Variants in PDE8B observed in about 807,000 individuals in gnomAD.
PDE8B encodes phosphodiesterase 8B.
PDE8B carries 26 observed loss-of-function variants against 101.3 expected under a neutral mutation model. The ratio of observed to expected loss-of-function variants is 0.26; its 90% CI spans 0.19 to 0.36. The LOEUF is 0.36. PDE8B is among the 10% of genes least tolerant of loss of function. The pLI is 1.00. For missense variants in PDE8B, 810 were observed against 1,163.1 expected (o/e 0.70, Z 4.42); for synonymous variants, 424 against 429.3 (o/e 0.99, Z 0.15).
At chr5:77,194,506 A>C in the PDE8B span, among the ~76,000 whole-genome samples, 1 of 152,182 alleles carries the variant, frequency 6.6e-6, no homozygotes, top group Non-Finnish European at 1.5e-5. Flanking sequence ...GTATGTGCAC[A>C]ATGTTGTGCA....
At chr5:77,343,517 G>A (rs1779587526) in intron 6 of PDE8B, among the ~76,000 whole-genome samples, 1 of 152,186 alleles carries the variant, frequency 6.6e-6, no homozygotes, top group Non-Finnish European at 1.5e-5. Context: ...TTAAAATGGT[G>A]CACTTGTATA....
At chr5:77,366,001 A>G (rs1280928127) in intron 10 of PDE8B, among the ~76,000 whole-genome samples, 1 of 152,128 alleles carries the variant, frequency 6.6e-6, no homozygotes, top group East Asian at 1.9e-4. Context: ...CAAATACAAC[A>G]AAAATTCATT....
intron 1 of PDE8B, chr5:77,291,387 A>G: frequency 6.2e-7 from 1 of 1,611,866 alleles, no homozygotes; most frequent in Non-Finnish European, 8.5e-7. Flanking sequence ...GGGCAAGGTT[A>G]TGGATCGCCC....
At chr5:77,186,788 A>G in the PDE8B span, among the ~76,000 whole-genome samples, 4 of 152,146 alleles carry the variant, frequency 2.6e-5, no homozygotes, top group Non-Finnish European at 5.9e-5. Context: ...TTTGGCAACT[A>G]TGTGCACCAT....
Position 77,320,264 on chromosome 5 carries a change from G to T in PDE8B, c.400-5275G>T, listed in dbSNP as rs1001644888. ...CCCACTACGTAAGTTTTCAACCCTC[G>T]TGCATGGTCATTATTACAGTCTGAT... On this transcript the variant is annotated intron_variant, in intron 2 of 21. Transcript: ENST00000264917. Among the ~76,000 whole-genome samples the T allele has an allele frequency of 8.5e-5, 13 of 152,218 alleles. No individual in the cohort carries two copies. In the South Asian group the frequency reaches 1.5e-3, roughly 17 times the overall value.
the PDE8B span, among the ~76,000 whole-genome samples, chr5:77,121,098 A>G: frequency 6.6e-6 from 1 of 152,214 alleles, no homozygotes; most frequent in Admixed American, 6.5e-5. Context: ...CAACAAACGA[A>G]CAGCTATTCT....
the PDE8B span, among the ~76,000 whole-genome samples, chr5:77,186,878 G>A: frequency 1.3e-5 from 2 of 152,146 alleles, no homozygotes; most frequent in Non-Finnish European, 2.9e-5. Flanking sequence ...TACTATGCAA[G>A]CTGTGTTTCC....
the PDE8B span, among the ~76,000 whole-genome samples, chr5:77,202,845 C>A: frequency 3.3e-5 from 5 of 152,178 alleles, no homozygotes; most frequent in Non-Finnish European, 7.4e-5. Context: ...AGTGATCCGC[C>A]CACCTTGGGC....
intron 1 of PDE8B, chr5:77,290,564 A>T: frequency 6.7e-7 from 1 of 1,493,140 alleles, no homozygotes; most frequent in Non-Finnish European, 9.3e-7. Context: ...AGATCCAAGT[A>T]CTAGGAAGCT....
At chr5:77,344,213 G>T (rs60606941) in intron 6 of PDE8B, among the ~76,000 whole-genome samples, 21,809 of 152,140 alleles carry the variant, frequency 0.14, 3,348 homozygotes, top group African/African-American at 0.39. Flanking sequence ...GTTATATACT[G>T]TACATCATTA....
intron 1 of PDE8B, among the ~76,000 whole-genome samples, chr5:77,214,683 A>T (rs1012222131): frequency 6.6e-6 from 1 of 152,132 alleles, no homozygotes; most frequent in African/African-American, 2.4e-5. Context: ...TTGGGGGAGG[A>T]GTAGAGCTAT....
intron 1 of PDE8B, among the ~76,000 whole-genome samples, chr5:77,233,327 G>C (rs1159292941): frequency 6.6e-6 from 1 of 152,072 alleles, no homozygotes; most frequent in East Asian, 1.9e-4. Context: ...TTGCTTTCTG[G>C]GCTAAGCAGT....
chr5:77,273,286 C>T (rs777216885), intron 1 of PDE8B, among the ~76,000 whole-genome samples: 1 of 152,196 alleles, frequency 6.6e-6, no homozygotes, highest in Non-Finnish European at 1.5e-5. Flanking sequence ...TCTATCCTAT[C>T]AATTCTATCT....
intron 1 of PDE8B, among the ~76,000 whole-genome samples, chr5:77,292,973 A>AT (rs536252832): frequency 6.6e-5 from 10 of 151,472 alleles, no homozygotes; most frequent in Non-Finnish European, 4.4e-5. Context: ...TTCTCATGGG[A>AT]TTTTTTTTCT....
chr5:77,097,001 T>C, the PDE8B span, among the ~76,000 whole-genome samples: 247 of 152,354 alleles, frequency 1.6e-3, 1 homozygote, highest in African/African-American at 5.6e-3. Flanking sequence ...TCAACTTCTC[T>C]GTGTGCTAAT....
Position 77,413,184 on chromosome 5 carries a change from A to G in PDE8B, c.1786A>G (p.Thr596Ala). 1 of 1,613,408 alleles carries G rather than the reference A, an allele frequency of 6.2e-7. No individual in the cohort carries two copies. Among genetic ancestry groups the G allele is most frequent in the Non-Finnish European group, 8.5e-7 (1 of 1,179,804 alleles). The stretch of plus-strand genomic sequence containing the variant: ...TGAATTTTTAAACTGTTCTGAAACC[A>G]CTCTTCGGGCCTGGTTCCAAGTGAT... The part of the protein sequence containing the change: ...VCEFLNCSET[T>A]LRAWFQVIEA... The change falls in exon 17 of 22, where the codon ACT becomes GCT. Residue 596 changes from threonine to alanine, a missense_variant. Around this residue, in one of 4 missense-constraint regions of PDE8B, gnomAD observed 325 missense variants for 560.9 expected, o/e 0.58. Transcript: ENST00000264917.
chr5:77,275,465 C>T (rs910500650), intron 1 of PDE8B, among the ~76,000 whole-genome samples: 1 of 152,104 alleles, frequency 6.6e-6, no homozygotes, highest in African/African-American at 2.4e-5. Flanking sequence ...TTTAAGAGAA[C>T]AGTTTTAAAT....
intron 13 of PDE8B, among the ~76,000 whole-genome samples, chr5:77,408,409 G>C (rs924839867): frequency 2.0e-5 from 3 of 152,176 alleles, no homozygotes; most frequent in Non-Finnish European, 4.4e-5. Flanking sequence ...GATTTCTATG[G>C]AGAGAGGGGA....
chr5:77,175,759 G>A, the PDE8B span, among the ~76,000 whole-genome samples: 1 of 152,156 alleles, frequency 6.6e-6, no homozygotes, highest in East Asian at 1.9e-4. Context: ...TATTTGTTGA[G>A]TGAATGAATG....
Sources: allele counts gnomAD v4.1 joint callset (sites outside exome capture counted in the v4.1 genomes callset), GRCh38; gene constraint gnomAD v4.1.1; regional missense constraint gnomAD v4.1.1; transcripts MANE v1.5; gene names NCBI Gene and HGNC (gene_info 2026-07-23, HGNC 2026-07-21).